The following NELL1 variants were observed in gnomAD, a reference collection of about 807,000 sequenced individuals.
The protein encoded by NELL1 is neural EGFL like 1, also known as protein kinase C-binding protein NELL1.
Under a neutral mutation model 107.4 loss-of-function variants are expected in NELL1, and 76 were observed. The ratio of observed to expected loss-of-function variants is 0.71; its 90% CI spans 0.59 to 0.86. The LOEUF is 0.86. Ranked by LOEUF, NELL1 falls within the 40% of genes least tolerant of loss-of-function variation. The pLI is 0.00. For missense variants in NELL1, 1,024 were observed against 1,005.5 expected (o/e 1.02, Z -0.25); for synonymous variants, 353 against 341.2 (o/e 1.03, Z -0.38).
At chr11:21,345,466 G>T (rs940979548) in intron 14 of NELL1, among the ~76,000 whole-genome samples, 1 of 152,154 alleles carries the variant, frequency 6.6e-6, no homozygotes, top group South Asian at 2.1e-4. Context: ...CTGTGAAGTT[G>T]ACAGAGCAGG....
chr11:20,992,055 C>T lies in NELL1; in HGVS notation c.1300+31495C>T, dbSNP rs139022935. 2.1e-5 allele frequency among the ~76,000 whole-genome samples: 3 copies of T among 144,168 alleles called. No individual in the cohort carries two copies. In the East Asian group the frequency reaches 6.2e-4, roughly 30 times the overall value. The allele number at this position is 144,168 out of a possible 152,430, so 94.6% of individuals were successfully genotyped here. A position where few individuals can be genotyped will look rare whatever the true frequency, so the allele number is the denominator to read the frequency against. On this transcript the variant is annotated intron_variant, in intron 12 of 19. Coordinates refer to ENST00000357134, the MANE Select transcript of NELL1 (RefSeq NM_006157.5). ...TAACTCAATAATGTTTTTAGGAAGA[C>T]AAAGATATTTACATGCAAGGTTATT... is the stretch of plus-strand genomic sequence containing the variant.
chr11:21,401,187 T>C (rs187588394), intron 15 of NELL1, among the ~76,000 whole-genome samples: 1 of 151,940 alleles, frequency 6.6e-6, no homozygotes, highest in East Asian at 2.0e-4. Flanking sequence ...AAGTGTCTTT[T>C]CTATGAAAAC....
At chr11:20,937,095 T>A (rs138332279) in intron 9 of NELL1, among the ~76,000 whole-genome samples, 1 of 152,232 alleles carries the variant, frequency 6.6e-6, no homozygotes, top group Non-Finnish European at 1.5e-5. Context: ...TGCTTAAAAG[T>A]GAGTCAGCCA....
At chr11:20,986,603 G>T (rs1405757080) in intron 12 of NELL1, among the ~76,000 whole-genome samples, 1 of 152,180 alleles carries the variant, frequency 6.6e-6, no homozygotes, top group East Asian at 1.9e-4. Flanking sequence ...TTAGGTCTCA[G>T]GTAGGGCTTG....
At chr11:20,904,104 T>C (rs1283083407) in intron 5 of NELL1, among the ~76,000 whole-genome samples, 1 of 152,106 alleles carries the variant, frequency 6.6e-6, no homozygotes, top group Non-Finnish European at 1.5e-5. Flanking sequence ...AAGGTACTTG[T>C]AACTCAGAAC....
intron 3 of NELL1, among the ~76,000 whole-genome samples, chr11:20,835,589 A>G (rs181540368): frequency 2.6e-5 from 4 of 152,330 alleles, no homozygotes; most frequent in African/African-American, 7.2e-5. Flanking sequence ...TGGAACAGTG[A>G]GAATACTCTG....
At chr11:20,803,208 C>T (rs1274715687) in intron 3 of NELL1, among the ~76,000 whole-genome samples, 2 of 152,044 alleles carry the variant, frequency 1.3e-5, no homozygotes, top group African/African-American at 4.8e-5. Flanking sequence ...CTTTTCTCTG[C>T]TGGGAGATTT....
At position 21,331,560 on chromosome 11, in the gene NELL1, A is replaced by C. The variant is rs376378609; in HGVS notation, c.1550-39293A>C. ...TCTTCCCTTCTTTGGTCTTGCTGGT[A>C]AACTGCCTGACTCTACTGGTAATAC... is the stretch of plus-strand genomic sequence containing the variant. On this transcript the variant is annotated intron_variant, in intron 14 of 19. Transcript: ENST00000357134. Among the ~76,000 whole-genome samples the C allele has an allele frequency of 3.4e-3, 524 of 152,198 alleles. 2 individuals carry two copies. Among genetic ancestry groups the C allele is most frequent in the African/African-American group, 0.012 (500 of 41,554 alleles).
chr11:21,152,532 G>T (rs2133788640), intron 13 of NELL1, among the ~76,000 whole-genome samples: 1 of 152,250 alleles, frequency 6.6e-6, no homozygotes, highest in African/African-American at 2.4e-5. Flanking sequence ...GGATTGGGCG[G>T]AAGGAAAGGG....
At chr11:20,833,392 C>G (rs967650590) in intron 3 of NELL1, among the ~76,000 whole-genome samples, 1 of 152,054 alleles carries the variant, frequency 6.6e-6, no homozygotes, top group Non-Finnish European at 1.5e-5. Flanking sequence ...ATGTCACAAC[C>G]CTTTGTTGTA....
chr11:20,816,066 A>G (rs997576178), intron 3 of NELL1, among the ~76,000 whole-genome samples: 11 of 152,160 alleles, frequency 7.2e-5, no homozygotes, highest in African/African-American at 2.7e-4. Context: ...GTCTTATAGC[A>G]TAGTTTGAAA....
chr11:20,699,734 G>A (rs547908761), intron 2 of NELL1, among the ~76,000 whole-genome samples: 1 of 152,294 alleles, frequency 6.6e-6, no homozygotes, highest in Non-Finnish European at 1.5e-5. Context: ...TGATTGCGCT[G>A]CTATAAACAT....
intron 15 of NELL1, among the ~76,000 whole-genome samples, chr11:21,458,095 TC>T (rs1188231310): frequency 1.3e-5 from 2 of 152,148 alleles, no homozygotes; most frequent in South Asian, 2.1e-4. Context: ...TAAGATGGTA[TC>T]CGAAGAGAGA....
intron 13 of NELL1, among the ~76,000 whole-genome samples, chr11:21,226,232 G>A (rs891511436): frequency 1.3e-5 from 2 of 152,118 alleles, no homozygotes; most frequent in Non-Finnish European, 2.9e-5. Context: ...TTGTTCTTTG[G>A]GAATAGGTCA....
intron 13 of NELL1, among the ~76,000 whole-genome samples, chr11:21,160,086 C>T (rs368503612): frequency 6.6e-6 from 1 of 152,166 alleles, no homozygotes; most frequent in East Asian, 1.9e-4. Flanking sequence ...GAGAAAACCA[C>T]ATTTGGATTT....
chr11:21,462,434 G>C (rs940904179), intron 15 of NELL1, among the ~76,000 whole-genome samples: 4 of 152,076 alleles, frequency 2.6e-5, no homozygotes, highest in Non-Finnish European at 1.5e-5. Context: ...GGTTAAAATA[G>C]ATTGTTTTCT....
chr11:21,542,102 GT>G (rs1211629521), intron 16 of NELL1, among the ~76,000 whole-genome samples: 1 of 152,064 alleles, frequency 6.6e-6, no homozygotes, highest in Non-Finnish European at 1.5e-5. Flanking sequence ...ACTACATGAT[GT>G]GCTAGACACA....
intron 1 of NELL1, among the ~76,000 whole-genome samples, chr11:20,670,154 T>C (rs1032508396): frequency 6.6e-6 from 1 of 151,920 alleles, no homozygotes; most frequent in African/African-American, 2.4e-5. Context: ...GAAACCACTC[T>C]CGCCGACCCC....
intron 2 of NELL1, among the ~76,000 whole-genome samples, chr11:20,700,858 C>A (rs1040897234): frequency 1.3e-5 from 2 of 152,026 alleles, no homozygotes; most frequent in African/African-American, 4.8e-5. Context: ...TTATGGCTGC[C>A]TAGTATTCCA....
Sources: gnomAD v4.1 joint callset for allele counts (sites outside exome capture counted in the v4.1 genomes callset) on GRCh38, gnomAD v4.1.1 for gene constraint, MANE v1.5 for transcripts, NCBI Gene and HGNC (gene_info 2026-07-23, HGNC 2026-07-21) for gene names.